Variants in SLC47A1 observed in about 807,000 individuals in gnomAD.
The protein encoded by SLC47A1 is solute carrier family 47 member 1, also known as multidrug and toxin extrusion protein 1.
SLC47A1 carries 58 observed loss-of-function variants against 65.8 expected under a neutral mutation model. The ratio of observed to expected loss-of-function variants is 0.88; its 90% CI spans 0.71 to 1.10. The LOEUF (loss-of-function observed/expected upper bound fraction) is 1.10, where lower values mean the gene tolerates loss of function less well. SLC47A1 is among the 50% of genes least tolerant of loss of function. The pLI is 0.00. For synonymous variants in SLC47A1, 285 were observed against 295.0 expected (o/e 0.97, Z 0.35); for missense variants, 706 against 719.2 (o/e 0.98, Z 0.21).
intron 16 of SLC47A1, among the ~76,000 whole-genome samples, chr17:19,576,725 T>C (rs930962650): frequency 3.3e-5 from 5 of 150,544 alleles, no homozygotes; most frequent in African/African-American, 1.2e-4. Context: ...CCTTGAAAAT[T>C]TCCCCTGTGA....
chr17:19,574,310 A>G (rs1240906160), intron 16 of SLC47A1, among the ~76,000 whole-genome samples: 1 of 152,106 alleles, frequency 6.6e-6, no homozygotes, highest in Non-Finnish European at 1.5e-5. Context: ...CTTGGTAGGT[A>G]CCCAAGTCGC....
intron 1 of SLC47A1, chr17:19,535,569 G>A (rs1205026664): frequency 6.6e-6 from 1 of 152,058 alleles, no homozygotes; most frequent in Admixed American, 6.6e-5. Context: ...GGCCAACCTG[G>A]TGAAACCCCG....
intron 12 of SLC47A1, among the ~76,000 whole-genome samples, chr17:19,566,435 C>CT (rs1013274858): frequency 3.1e-4 from 46 of 149,532 alleles, no homozygotes; most frequent in African/African-American, 7.3e-4. Context: ...AAGCTATATA[C>CT]TTTTTTTTTT....
At chr17:19,569,772 G>C (rs2084385775) in intron 14 of SLC47A1, among the ~76,000 whole-genome samples, 1 of 152,156 alleles carries the variant, frequency 6.6e-6, no homozygotes, top group African/African-American at 2.4e-5. Flanking sequence ...TAAAATTATT[G>C]GAAATCTAAT....
chr17:19,572,860 A>T lies in SLC47A1; in HGVS notation c.1485A>T (p.Pro495=), dbSNP rs763169575. The change falls in exon 16 of 17, where the codon CCA becomes CCT. Residue 495 remains proline, a splice_region_variant and synonymous_variant. Coordinates refer to ENST00000270570, the MANE Select transcript of SLC47A1 (RefSeq NM_018242.3). ...CTCTCCCTCAGGATCCGCTTCACCCAGGTAAGATATGACTCCCTCAGCCCT... is the reference window on the plus strand; with the variant it reads ...CTCTCCCTCAGGATCCGCTTCACCCTGGTAAGATATGACTCCCTCAGCCCT... ...NSALPQDPLH[P]GCPENLEGIL... 1.2e-6 allele frequency: 2 copies of T among 1,614,122 alleles called. No individual in the cohort carries two copies. The highest frequency in any genetic ancestry group is 1.7e-4 in the Middle Eastern group (1 of 6,056).
At chr17:19,543,662 A>G (rs1363704632) in intron 2 of SLC47A1, among the ~76,000 whole-genome samples, 1 of 151,946 alleles carries the variant, frequency 6.6e-6, no homozygotes, top group African/African-American at 2.4e-5. Context: ...ATAGATGCAA[A>G]CCCCCAAAAC....
At chr17:19,554,178 G>A (rs938034963) in intron 6 of SLC47A1, among the ~76,000 whole-genome samples, 1 of 152,172 alleles carries the variant, frequency 6.6e-6, no homozygotes, top group African/African-American at 2.4e-5. Context: ...GTGGGGTTCA[G>A]GTGACATTTA....
intron 12 of SLC47A1, among the ~76,000 whole-genome samples, chr17:19,566,260 G>A (rs868016747): frequency 2.0e-5 from 3 of 152,166 alleles, no homozygotes; most frequent in South Asian, 2.1e-4. Context: ...TCCACTGGGG[G>A]ACTTGAAACA....
At chr17:19,547,475 G>A (rs1298655247) in intron 3 of SLC47A1, among the ~76,000 whole-genome samples, 1 of 150,404 alleles carries the variant, frequency 6.6e-6, no homozygotes, top group East Asian at 2.0e-4. Flanking sequence ...AAAAATAAAT[G>A]AAGTGTGAAT....
chr17:19,572,857 C>G lies in SLC47A1; in HGVS notation c.1482C>G (p.His494Gln). 1 of 1,614,068 alleles carries G rather than the reference C, an allele frequency of 6.2e-7. No individual in the cohort carries two copies. Among genetic ancestry groups the G allele is most frequent in the Non-Finnish European group, 8.5e-7 (1 of 1,179,964 alleles). ...GNSALPQDPL[H>Q]PGCPENLEGI... ...CTGCTCTCCCTCAGGATCCGCTTCA[C>G]CCAGGTAAGATATGACTCCCTCAGC... Residue 494 changes from histidine to glutamine, a missense_variant, in exon 16 of 17, where the codon CAC (histidine) becomes CAG (glutamine). His to Gln is a conservative substitution (Grantham distance 24). Coordinates refer to ENST00000270570, the MANE Select transcript of SLC47A1 (RefSeq NM_018242.3).
Position 19,577,460 on chromosome 17 carries a change from A to G in SLC47A1, c.1620A>G (p.Lys540=). 6.2e-7 allele frequency: 1 copy of G among 1,614,140 alleles called. No individual in the cohort carries two copies. Among genetic ancestry groups the G allele is most frequent in the Non-Finnish European group, 8.5e-7 (1 of 1,180,022 alleles). Residue 540 remains lysine, a synonymous_variant, in exon 17 of 17, where the codon AAA becomes AAG. Coordinates refer to ENST00000270570, the MANE Select transcript of SLC47A1 (RefSeq NM_018242.3). Reference sequence around the variant, plus strand: ...AGGACGGCGCTAAATTGTCCAGGAAACAGCTGGTGCTGCGGCGAGGGCTTC... The same window carrying G: ...AGGACGGCGCTAAATTGTCCAGGAAGCAGCTGGTGCTGCGGCGAGGGCTTC... ...HPQDGAKLSR[K]QLVLRRGLLL... is the part of the protein sequence containing the mutation.
intron 6 of SLC47A1, among the ~76,000 whole-genome samples, chr17:19,552,920 C>T (rs1028594035): frequency 3.9e-5 from 6 of 152,050 alleles, no homozygotes; most frequent in African/African-American, 1.2e-4. Context: ...GGGAAATTAA[C>T]TAATTGGGAG....
intron 1 of SLC47A1, among the ~76,000 whole-genome samples, chr17:19,541,162 C>T (rs1916136817): frequency 6.6e-6 from 1 of 152,170 alleles, no homozygotes; most frequent in African/African-American, 2.4e-5. Flanking sequence ...GGACTCTGTT[C>T]TCCCTGAGGG....
chr17:19,559,411 A>G (rs1056376105), intron 10 of SLC47A1, among the ~76,000 whole-genome samples: 1 of 152,214 alleles, frequency 6.6e-6, no homozygotes, highest in Non-Finnish European at 1.5e-5. Flanking sequence ...GATCCCAGCT[A>G]CTTGAGAGGC....
intron 12 of SLC47A1, among the ~76,000 whole-genome samples, chr17:19,561,446 A>C (rs1785090653): frequency 6.6e-6 from 1 of 151,908 alleles, no homozygotes; most frequent in African/African-American, 2.4e-5. Context: ...GATCAAGACC[A>C]TCCTGGCTAA....
At chr17:19,549,789 G>A in intron 5 of SLC47A1, 112 bp downstream of exon 5, 2 of 1,167,282 alleles carry the variant, frequency 1.7e-6, no homozygotes, top group East Asian at 2.4e-5. Flanking sequence ...CTTATCTGTG[G>A]TGTTGGTGCC....
At position 19,549,664 on chromosome 17, in the gene SLC47A1, T is replaced by C. The variant is rs764727388; in HGVS notation, c.485T>C (p.Ile162Thr). The C allele has an allele frequency of 2.4e-5, 39 of 1,614,222 alleles. No individual in the cohort carries two copies. The highest frequency in any genetic ancestry group is 3.2e-5 in the Non-Finnish European group (38 of 1,180,036). ...RLTQTYVTIFIPALPATFLYM... is the reference protein window; with the variant it reads ...RLTQTYVTIFTPALPATFLYM... ...ACCCAGACCTATGTCACGATCTTCA[T>C]TCCAGCTCTTCCTGTAAGTGCTCAA... Residue 162 changes from isoleucine to threonine, a missense_variant, in exon 5 of 17, where the codon ATT becomes ACT. Ile to Thr is a moderately conservative substitution (Grantham distance 89). Transcript: ENST00000270570.
intron 2 of SLC47A1, among the ~76,000 whole-genome samples, chr17:19,544,671 C>G (rs1300524173): frequency 6.6e-6 from 1 of 152,234 alleles, no homozygotes; most frequent in East Asian, 1.9e-4. Context: ...CCAGTGCCCC[C>G]CAGGGTACGG....
intron 3 of SLC47A1, 113 bp from the exon 4 acceptor site, chr17:19,547,872 G>C (rs1052890138): frequency 2.4e-6 from 3 of 1,231,312 alleles, no homozygotes; most frequent in Non-Finnish European, 3.3e-6. Context: ...ACAGGCGTGA[G>C]CCACCTTATC....
Sources: gnomAD v4.1 joint callset for allele counts (sites outside exome capture counted in the v4.1 genomes callset) on GRCh38, gnomAD v4.1.1 for gene constraint, MANE v1.5 for transcripts, NCBI Gene and HGNC (gene_info 2026-07-23, HGNC 2026-07-21) for gene names.